The following RC3H2 variants were observed in gnomAD, a reference collection of about 807,000 sequenced individuals.
RC3H2 encodes the protein ring finger and CCCH-type domains 2, also known as roquin-2.
Under a neutral mutation model 133.3 loss-of-function variants are expected in RC3H2, and 31 were observed. The ratio of observed to expected loss-of-function variants is 0.23; its 90% confidence interval spans 0.17 to 0.31. RC3H2 has a LOEUF of 0.31. Among genes scored for constraint, RC3H2 ranks in the 10% least tolerant of loss-of-function variants. RC3H2 has a pLI of 1.00. For missense variants in RC3H2, 1,175 were observed against 1,437.2 expected (o/e 0.82, Z 2.95); for synonymous variants, 517 against 502.2 (o/e 1.03, Z -0.40).
intron 1 of RC3H2, among the ~76,000 whole-genome samples, chr9:122,898,459 A>G (rs1261551441): frequency 1.3e-5 from 2 of 152,182 alleles, no homozygotes; most frequent in South Asian, 2.1e-4. Context: ...TCTGAGATCA[A>G]AATGTTCCTG....
chr9:122,849,809 T>A lies in RC3H2; in HGVS notation c.3394A>T (p.Thr1132Ser), dbSNP rs765465780. ...EDHVILEEQK[T>S]ILPVTSCFSQ... ...AAGCAAGAAGTTACCGGCAGAATTGTTTTTTGCTCCTCCCTGAGAAAAAAG... is the reference window on the plus strand; with the variant it reads ...AAGCAAGAAGTTACCGGCAGAATTGATTTTTGCTCCTCCCTGAGAAAAAAG... The change falls in exon 21 of 21, where the codon ACA becomes TCA. Residue 1132 changes from threonine to serine, a missense_variant. Thr to Ser is a moderately conservative substitution (Grantham distance 58, BLOSUM62 1). This residue lies in a region of RC3H2 where 220 missense variants were observed against 201.1 expected (regional missense o/e 1.09). Transcript: ENST00000357244. 5.7e-6 allele frequency: 9 copies of A among 1,568,308 alleles called. No homozygotes were observed. The South Asian group carries it at 5.9e-5, about 10-fold the overall frequency.
At chr9:122,885,997 T>C (rs1004352334) in intron 4 of RC3H2, among the ~76,000 whole-genome samples, 1 of 152,182 alleles carries the variant, frequency 6.6e-6, no homozygotes, top group Non-Finnish European at 1.5e-5. Flanking sequence ...AAACGATTCT[T>C]GTGCCTCAGC....
intron 16 of RC3H2, 66 bp from the exon 17 acceptor site, chr9:122,854,332 C>T: frequency 1.4e-6 from 2 of 1,391,698 alleles, no homozygotes; most frequent in East Asian, 4.6e-5. Context: ...GCAGTAATAA[C>T]CATATGTTTT....
chr9:122,904,180 A>C (rs932728084), intron 1 of RC3H2, among the ~76,000 whole-genome samples: 5 of 152,216 alleles, frequency 3.3e-5, no homozygotes, highest in African/African-American at 1.2e-4. Flanking sequence ...GGGAGAGTAG[A>C]AATGAAAAAA....
intron 20 of RC3H2, among the ~76,000 whole-genome samples, chr9:122,850,265 A>G (rs1829970091): frequency 6.6e-6 from 1 of 151,824 alleles, no homozygotes; most frequent in South Asian, 2.1e-4. Flanking sequence ...GTGAGCCACC[A>G]CTCCTGGCTT....
chr9:122,904,622 T>A (rs561571750), intron 1 of RC3H2, among the ~76,000 whole-genome samples: 1 of 152,300 alleles, frequency 6.6e-6, no homozygotes, highest in East Asian at 1.9e-4. Context: ...GTCCCCATCC[T>A]GGGAGGTTAA....
At chr9:122,875,305 A>G in intron 9 of RC3H2, 1 of 1,550,590 alleles carries the variant, frequency 6.4e-7, no homozygotes. Context: ...CATTATGTAC[A>G]GTGCCCAAGC....
rs760700639 is a variant in RC3H2, at chr9:122,883,390, T to G, written c.584-11A>C. The G allele has an allele frequency of 2.5e-5, 39 of 1,584,816 alleles. No homozygotes were observed. The highest frequency in any genetic ancestry group is 2.7e-5 in the Non-Finnish European group (32 of 1,169,384). ...CCTCTTCTTGCATAGCTAAAAATAT[T>G]AAAGGAACATGAGTTCATGACAAAT... On this transcript the variant is annotated splice_polypyrimidine_tract_variant and intron_variant, in intron 4 of 20. Transcript: ENST00000357244.
intron 14 of RC3H2, 97 bp from the exon 15 acceptor site, chr9:122,855,494 T>A: frequency 8.1e-7 from 1 of 1,232,162 alleles, no homozygotes; most frequent in Non-Finnish European, 1.2e-6. Flanking sequence ...GTTTTTTGGT[T>A]AATTTAAAAC....
At chr9:122,889,946 A>C (rs1832089186) in intron 4 of RC3H2, among the ~76,000 whole-genome samples, 1 of 152,184 alleles carries the variant, frequency 6.6e-6, no homozygotes, top group African/African-American at 2.4e-5. Context: ...GTTCCAGACC[A>C]GTCTGGCCAA....
intron 18 of RC3H2, among the ~76,000 whole-genome samples, chr9:122,852,770 C>G (rs1460806571): frequency 6.6e-6 from 1 of 150,510 alleles, no homozygotes; most frequent in African/African-American, 2.4e-5. Flanking sequence ...GGGGGTCAGC[C>G]CCCCGCCTGG....
At chr9:122,882,874 T>G (rs1275599817) in intron 5 of RC3H2, among the ~76,000 whole-genome samples, 1 of 152,230 alleles carries the variant, frequency 6.6e-6, no homozygotes, top group Non-Finnish European at 1.5e-5. Context: ...TTATGAAGTT[T>G]CCAATATAGT....
At chr9:122,852,110 G>T (rs1318542988) in intron 18 of RC3H2, among the ~76,000 whole-genome samples, 1 of 150,496 alleles carries the variant, frequency 6.6e-6, no homozygotes, top group Non-Finnish European at 1.5e-5. Context: ...CTGCCCGGCC[G>T]CCCGTCGTCT....
chr9:122,855,843 T>A lies in RC3H2; in HGVS notation c.2490A>T (p.Glu830Asp), dbSNP rs538311494. 6.8e-6 allele frequency: 11 copies of A among 1,613,486 alleles called. No homozygotes were observed. The South Asian group carries it at 1.1e-4, about 16-fold the overall frequency. ...SESVSGTKFEEDHLSHYSPWS... is the reference protein window; with the variant it reads ...SESVSGTKFEDDHLSHYSPWS... ...AGGGAGAATAATGGGAAAGATGATC[T>A]TCTTCAAATTTTGTACCACTCACAC... is the stretch of plus-strand genomic sequence containing the variant. Residue 830 changes from glutamate to aspartate, a missense_variant, in exon 14 of 21, where the codon GAA becomes GAT. Physicochemically the swap from Glu to Asp is conservative, Grantham distance 45. Coordinates refer to ENST00000357244, the MANE Select transcript of RC3H2 (RefSeq NM_001100588.3).
At position 122,845,648 on chromosome 9, in the gene RC3H2, G is replaced by A. The variant is rs943796428; in HGVS notation, c.*3979C>T. 2.0e-5 allele frequency: 3 copies of A among 152,246 alleles called. No homozygotes were observed. Among genetic ancestry groups the A allele is most frequent in the Non-Finnish European group, 2.9e-5 (2 of 68,020 alleles). The allele number at this position is 152,246 out of a possible 1,614,324, so 9.4% of individuals were successfully genotyped here. ...GGGTGTTTTGATCTGTGGTCTTGACGCCTTGTATTCCCTTGCCAGCAAAGG... is the reference window on the plus strand; with the variant it reads ...GGGTGTTTTGATCTGTGGTCTTGACACCTTGTATTCCCTTGCCAGCAAAGG... On this transcript the variant is annotated 3_prime_UTR_variant, in exon 21 of 21. Transcript: ENST00000357244.
rs565796322 is a variant in RC3H2, at chr9:122,872,812, C to T, written c.1325+4659G>A. ...TGCTGGCCAGGCTGGTCTCAAACTCCTGACCTCAAGTGATACACCAGCCTT... is the reference window on the plus strand; with the variant it reads ...TGCTGGCCAGGCTGGTCTCAAACTCTTGACCTCAAGTGATACACCAGCCTT... On this transcript the variant is annotated intron_variant, in intron 9 of 20. Transcript: ENST00000357244. 7.9e-5 allele frequency among the ~76,000 whole-genome samples: 12 copies of T among 152,310 alleles called. No individual in the cohort carries two copies. The East Asian group carries it at 1.9e-3, about 24-fold the overall frequency.
chr9:122,865,449 C>A lies in RC3H2; in HGVS notation c.1534G>T (p.Asp512Tyr). 6.2e-7 allele frequency: 1 copy of A among 1,614,184 alleles called. No homozygotes were observed. Among genetic ancestry groups the A allele is most frequent in the South Asian group, 1.1e-5 (1 of 91,080 alleles). ...SVSQLISRST[D>Y]STLRALETVK... The stretch of plus-strand genomic sequence containing the variant: ...GTCTCCAGAGCTCTTAAGGTACTGT[C>A]AGTACTACGTGAGATTAGCTGGGAA... Residue 512 changes from aspartate to tyrosine, a missense_variant, in exon 10 of 21, where the codon GAC becomes TAC. Around this residue, in one of 8 missense-constraint regions of RC3H2, gnomAD observed 490 missense variants for 492.8 expected, o/e 0.99. Transcript: ENST00000357244.
chr9:122,898,236 T>C (rs1832502520), intron 1 of RC3H2: 1 of 152,108 alleles, frequency 6.6e-6, no homozygotes, highest in Non-Finnish European at 1.5e-5. Flanking sequence ...AGTGCCAAAG[T>C]AAAACAAAAA....
At chr9:122,889,847 A>G (rs939559748) in intron 4 of RC3H2, among the ~76,000 whole-genome samples, 7 of 152,168 alleles carry the variant, frequency 4.6e-5, no homozygotes, top group African/African-American at 1.7e-4. Context: ...ATTAATAAAA[A>G]CGGATTTATA....
Sources: gnomAD v4.1 joint callset for allele counts (sites outside exome capture counted in the v4.1 genomes callset) on GRCh38, gnomAD v4.1.1 for gene constraint, gnomAD v4.1.1 regional missense constraint, MANE v1.5 for transcripts, NCBI Gene and HGNC (gene_info 2026-07-23, HGNC 2026-07-21) for gene names.